The following DISC1 variants were observed in gnomAD, a reference collection of about 807,000 sequenced individuals.
The protein encoded by DISC1 is DISC1 scaffold protein.
A neutral mutation model predicts 84.5 loss-of-function variants in DISC1; 57 were observed. The ratio of observed to expected loss-of-function variants is 0.67; its 90% CI spans 0.55 to 0.84. The LOEUF (loss-of-function observed/expected upper bound fraction) is 0.84. DISC1 is among the 40% of genes least tolerant of loss of function. The pLI is 0.00. For missense variants in DISC1, 1,000 were observed against 1,057.8 expected (o/e 0.95, Z 0.76); for synonymous variants, 411 against 415.2 (o/e 0.99, Z 0.12).
Position 231,626,985 on chromosome 1 carries a change from G to A in DISC1, c.67+51G>A, listed in dbSNP as rs2058304924. On this transcript the variant is annotated intron_variant, in intron 1 of 12. Coordinates refer to ENST00000439617, the MANE Select transcript of DISC1 (RefSeq NM_018662.3). ...GCACGTCCTGGGGGGGTCCTGGCAA[G>A]GAGGGCGCGCTCTGGCCCCCAGGAA... The A allele has an allele frequency of 2.3e-6, 3 of 1,322,000 alleles. No homozygotes were observed. In the African/African-American group the frequency reaches 4.7e-5, roughly 20 times the overall value. 81.9% of individuals were successfully genotyped at this position (1,322,000 alleles called of 1,614,324 possible). A position where few individuals can be genotyped will look rare whatever the true frequency, so the allele number is the denominator to read the frequency against.
intron 9 of DISC1, among the ~76,000 whole-genome samples, chr1:231,822,816 A>T (rs1280113730): frequency 1.3e-5 from 2 of 152,152 alleles, no homozygotes; most frequent in African/African-American, 4.8e-5. Context: ...GATGAAGGGG[A>T]GCTGGCCTAG....
intron 1 of DISC1, among the ~76,000 whole-genome samples, chr1:231,662,976 TAAAC>T (rs1228283422): frequency 6.6e-6 from 1 of 151,902 alleles, no homozygotes; most frequent in African/African-American, 2.4e-5. Flanking sequence ...GACTCTGTCT[TAAAC>T]AAAACAAAAC....
At chr1:231,648,796 G>T (rs2060364846) in intron 1 of DISC1, among the ~76,000 whole-genome samples, 1 of 152,178 alleles carries the variant, frequency 6.6e-6, no homozygotes, top group Admixed American at 6.5e-5. Flanking sequence ...GAGGGTGTAT[G>T]TGTCCAGGAA....
intron 9 of DISC1, among the ~76,000 whole-genome samples, chr1:231,950,015 A>G (rs774725652): frequency 6.6e-6 from 1 of 152,218 alleles, no homozygotes; most frequent in Non-Finnish European, 1.5e-5. Flanking sequence ...GAATTAAACA[A>G]AATAATGATG....
intron 6 of DISC1, among the ~76,000 whole-genome samples, chr1:231,772,509 G>T (rs368374202): frequency 2.0e-4 from 31 of 152,258 alleles, no homozygotes; most frequent in East Asian, 1.7e-3. Flanking sequence ...GGAGTTGAAG[G>T]TTAACTCCTC....
rs1322283318 is a variant in DISC1, at chr1:231,630,965, A to G, written c.67+4031A>G. On this transcript the variant is annotated intron_variant, in intron 1 of 12. Transcript: ENST00000439617. The surrounding 1 kb of genome is among the most constrained non-coding windows in gnomAD (Gnocchi z 4.4). ...GCTCACATGGTGTGCACAGCCCCTTATATGACTACTGGTCCTGTATCTGCT... is the reference window on the plus strand; with the variant it reads ...GCTCACATGGTGTGCACAGCCCCTTGTATGACTACTGGTCCTGTATCTGCT... Among the ~76,000 whole-genome samples, 1 of 152,198 alleles carries G rather than the reference A, an allele frequency of 6.6e-6. No homozygotes were observed. The highest frequency in any genetic ancestry group is 2.4e-5 in the African/African-American group (1 of 41,454).
rs1380027457 is a variant in DISC1, at chr1:231,897,494, C to T, written c.1982-61334C>T. 3.9e-5 allele frequency among the ~76,000 whole-genome samples: 6 copies of T among 152,156 alleles called. No individual in the cohort carries two copies. Among genetic ancestry groups the T allele is most frequent in the Admixed American group, 2.6e-4 (4 of 15,274 alleles). ...CAAAATATTTCTTTCACACATACAG[C>T]GCAGACTAAATCGTCTTTTTCTTTA... is the stretch of plus-strand genomic sequence containing the variant. On this transcript the variant is annotated intron_variant, in intron 9 of 12. Coordinates refer to ENST00000439617, the MANE Select transcript of DISC1 (RefSeq NM_018662.3). The surrounding 1 kb of genome is among the most constrained non-coding windows in gnomAD (Gnocchi z 4.5).
intron 9 of DISC1, among the ~76,000 whole-genome samples, chr1:231,907,059 T>TCCC: frequency 1.6e-5 from 2 of 126,098 alleles, no homozygotes; most frequent in African/African-American, 5.9e-5. Context: ...CCTCCCTCCC[T>TCCC]TCCTTCCTTC....
intron 5 of DISC1, among the ~76,000 whole-genome samples, chr1:231,767,552 C>T (rs966786530): frequency 2.0e-5 from 3 of 152,210 alleles, no homozygotes; most frequent in African/African-American, 7.2e-5. Flanking sequence ...CTGCCTCAGT[C>T]TTCCAAAGTG....
chr1:231,841,215 G>A (rs149508053), intron 9 of DISC1, among the ~76,000 whole-genome samples: 1 of 152,294 alleles, frequency 6.6e-6, no homozygotes, highest in East Asian at 1.9e-4. Flanking sequence ...AACACTTTTG[G>A]TCCTAAGCAT....
rs150294573 is a variant in DISC1 at position 231,770,952 on chromosome 1, C to T, written c.1516C>T (p.Pro506Ser). ...QLQWQGCDLT[P>S]LVGQLSLGQL... The stretch of plus-strand genomic sequence containing the variant: ...CCAGTGGCAGGGCTGCGACCTGACC[C>T]CACTGGTGGGCCAGCTGTCCCTGGG... Residue 506 changes from proline (P) to serine (S), a missense_variant, in exon 6 of 13, where the codon CCA becomes TCA. Physicochemically the swap from Pro to Ser is moderately conservative, Grantham distance 74. This residue lies in a region of DISC1 where 311 missense variants were observed against 400.1 expected (regional missense o/e 0.78). Coordinates refer to ENST00000439617, the MANE Select transcript of DISC1 (RefSeq NM_018662.3). 3.8e-5 allele frequency: 62 copies of T among 1,614,080 alleles called. No individual in the cohort carries two copies. The African/African-American group carries it at 6.8e-4, about 18-fold the overall frequency.
At chr1:231,923,060 G>T (rs981739579) in intron 9 of DISC1, among the ~76,000 whole-genome samples, 11 of 152,102 alleles carry the variant, frequency 7.2e-5, no homozygotes, top group African/African-American at 2.7e-4. Context: ...GGCAGATCAT[G>T]AGGTCAGGAC....
Position 231,694,272 on chromosome 1 carries a change from C to T in DISC1, c.514C>T (p.Arg172Trp), listed in dbSNP as rs776311202. ...AACSDGARRV[R>W]AAGSLPSAEL... is the part of the protein sequence containing the mutation. ...CTGCAGCGATGGAGCAAGGCGTGTC[C>T]GGGCAGCAGGCTCTCTGCCATCAGC... is the stretch of plus-strand genomic sequence containing the variant. The change falls in exon 2 of 13, where the codon CGG (arginine) becomes TGG (tryptophan). Residue 172 changes from arginine to tryptophan, a missense_variant. Transcript: ENST00000439617. 5.0e-5 allele frequency: 80 copies of T among 1,614,128 alleles called. No homozygotes were observed. In the Admixed American group the frequency reaches 5.0e-4, roughly 10 times the overall value.
chr1:231,827,169 G>A (rs2081912722), intron 9 of DISC1, among the ~76,000 whole-genome samples: 1 of 152,046 alleles, frequency 6.6e-6, no homozygotes, highest in South Asian at 2.1e-4. Flanking sequence ...TGTATTTTTA[G>A]TAGAGACGGG....
intron 9 of DISC1, among the ~76,000 whole-genome samples, chr1:231,839,104 A>G (rs2082837434): frequency 6.6e-6 from 1 of 152,204 alleles, no homozygotes; most frequent in Non-Finnish European, 1.5e-5. Context: ...AGCCTCACAG[A>G]GGAGGCAGGG....
At chr1:231,638,480 A>G (rs545505372) in intron 1 of DISC1, among the ~76,000 whole-genome samples, 32 of 152,112 alleles carry the variant, frequency 2.1e-4, no homozygotes, top group Admixed American at 5.2e-4. Context: ...GGTCTTATTT[A>G]TAAGACTTTA....
At chr1:231,695,844 A>G (rs2065621150) in intron 2 of DISC1, among the ~76,000 whole-genome samples, 1 of 151,952 alleles carries the variant, frequency 6.6e-6, no homozygotes. Context: ...TCTGTTCTTT[A>G]TCTATAGTCT....
intron 9 of DISC1, among the ~76,000 whole-genome samples, chr1:231,888,738 CAAAAAAAAAA>C (rs34003319): frequency 1.9e-5 from 1 of 54,042 alleles, no homozygotes; most frequent in Non-Finnish European, 3.4e-5. Flanking sequence ...GCTCTGTCTC[CAAAAAAAAAA>C]AAAAAAAAAA....
chr1:231,885,688 G>T (rs2086630253), intron 9 of DISC1, among the ~76,000 whole-genome samples: 1 of 152,166 alleles, frequency 6.6e-6, no homozygotes, highest in South Asian at 2.1e-4. Context: ...CCGTGTGTCA[G>T]TCCTGTGGAT....
Sources: gnomAD v4.1 joint callset for allele counts (sites outside exome capture counted in the v4.1 genomes callset) on GRCh38, gnomAD v4.1.1 for gene constraint, gnomAD v4.1.1 regional missense constraint, Gnocchi (gnomAD v3.1) non-coding constraint, MANE v1.5 for transcripts, NCBI Gene and HGNC (gene_info 2026-07-23, HGNC 2026-07-21) for gene names.